The following PDE8B variants were observed in gnomAD, a reference collection of about 807,000 sequenced individuals.
PDE8B encodes high affinity cAMP-specific and IBMX-insensitive 3',5'-cyclic phosphodiesterase 8B.
PDE8B carries 26 observed loss-of-function variants against 101.3 expected under a neutral mutation model. The observed-to-expected ratio is 0.26, with a 90% CI of 0.19 to 0.36. PDE8B has a LOEUF of 0.36. PDE8B is among the 10% of genes least tolerant of loss of function. The pLI, the probability that PDE8B is intolerant of heterozygous loss-of-function variation, is 1.00. For missense variants in PDE8B, 810 were observed against 1,163.1 expected (o/e 0.70, Z 4.42); for synonymous variants, 424 against 429.3 (o/e 0.99, Z 0.15).
intron 1 of PDE8B, among the ~76,000 whole-genome samples, chr5:77,262,343 T>C (rs1259500628): frequency 1.3e-5 from 2 of 152,202 alleles, no homozygotes; most frequent in African/African-American, 4.8e-5. Flanking sequence ...GTTAGCTTTA[T>C]CCACAGTCTC....
intron 10 of PDE8B, among the ~76,000 whole-genome samples, chr5:77,383,227 A>G (rs1429655717): frequency 1.3e-5 from 2 of 152,174 alleles, no homozygotes; most frequent in Non-Finnish European, 2.9e-5. Context: ...TTGGCTGCAT[A>G]AATGTCTTCT....
At chr5:77,217,834 C>T (rs1017913296) in intron 1 of PDE8B, among the ~76,000 whole-genome samples, 6 of 152,160 alleles carry the variant, frequency 3.9e-5, no homozygotes, top group Admixed American at 2.6e-4. Context: ...CCATGCTTGG[C>T]CCAAAACACT....
At chr5:77,137,097 C>T in the PDE8B span, among the ~76,000 whole-genome samples, 1 of 152,170 alleles carries the variant, frequency 6.6e-6, no homozygotes, top group Admixed American at 6.5e-5. Context: ...GGCCAGAGTC[C>T]TCTAGTTGCT....
Position 77,303,401 on chromosome 5 carries a change from G to A in PDE8B, c.340-8593G>A, listed in dbSNP as rs899156501. Among the ~76,000 whole-genome samples, 27 of 151,950 alleles carry A rather than the reference G, an allele frequency of 1.8e-4. No homozygotes were observed. In the South Asian group the frequency reaches 2.3e-3, roughly 13 times the overall value. On this transcript the variant is annotated intron_variant, in intron 1 of 21. Coordinates refer to ENST00000264917, the MANE Select transcript of PDE8B (RefSeq NM_003719.5). ...CTAAAATACAAAAAATTAGCAGGGC[G>A]TAGAGAATTTTTGTGTTCCCTACTA...
chr5:77,387,172 C>T (rs1163391066), intron 10 of PDE8B, among the ~76,000 whole-genome samples: 2 of 152,120 alleles, frequency 1.3e-5, no homozygotes, highest in African/African-American at 2.4e-5. Context: ...ATGGTCTTTA[C>T]AATTTGGTAT....
In PDE8B at chr5:77,413,324, T is replaced by A; in HGVS notation, c.1911+15T>A. ...AAAGAGTAAAGGTAGGATTTTGATATCATGACCTAGTTACCTGCCTGGATT... is the reference window on the plus strand; with the variant it reads ...AAAGAGTAAAGGTAGGATTTTGATAACATGACCTAGTTACCTGCCTGGATT... On this transcript the variant is annotated intron_variant, in intron 17 of 21. Coordinates refer to ENST00000264917, the MANE Select transcript of PDE8B (RefSeq NM_003719.5). 5 of 1,606,288 alleles carry A rather than the reference T, an allele frequency of 3.1e-6. No homozygotes were observed. The highest frequency in any genetic ancestry group is 1.3e-5 in the African/African-American group (1 of 74,874).
the PDE8B span, among the ~76,000 whole-genome samples, chr5:77,124,082 C>T: frequency 3.9e-5 from 6 of 152,156 alleles, no homozygotes; most frequent in African/African-American, 1.2e-4. Flanking sequence ...AAGTAAAAGT[C>T]CAACAGAAAA....
intron 1 of PDE8B, among the ~76,000 whole-genome samples, chr5:77,245,849 GCC>G (rs1216183081): frequency 6.1e-4 from 4 of 6,596 alleles, no homozygotes; most frequent in African/African-American, 1.1e-3. Context: ...TCCCCCCCCC[GCC>G]CCCCCCCCCC....
intron 10 of PDE8B, among the ~76,000 whole-genome samples, chr5:77,369,456 A>G (rs969554550): frequency 6.6e-6 from 1 of 152,114 alleles, no homozygotes; most frequent in African/African-American, 2.4e-5. Flanking sequence ...CCGAGGTGAC[A>G]TAAGAGCCAA....
At chr5:77,158,174 T>C in the PDE8B span, among the ~76,000 whole-genome samples, 3 of 152,198 alleles carry the variant, frequency 2.0e-5, no homozygotes, top group African/African-American at 7.2e-5. Context: ...GCCACTAGGC[T>C]AGATTGCCTG....
chr5:77,188,140 A>G, the PDE8B span, among the ~76,000 whole-genome samples: 1 of 152,300 alleles, frequency 6.6e-6, no homozygotes, highest in Non-Finnish European at 1.5e-5. Context: ...ACTTGCTCAG[A>G]GAGCTTTTAA....
chr5:77,222,444 A>G (rs1289442533), intron 1 of PDE8B, among the ~76,000 whole-genome samples: 2 of 152,134 alleles, frequency 1.3e-5, no homozygotes, highest in Admixed American at 1.3e-4. Context: ...CAACATGGTG[A>G]AACCCCATCT....
At chr5:77,216,103 T>G (rs1489801419) in intron 1 of PDE8B, among the ~76,000 whole-genome samples, 1 of 152,096 alleles carries the variant, frequency 6.6e-6, no homozygotes, top group East Asian at 1.9e-4. Flanking sequence ...GGAAACAGAC[T>G]GCACATCCAA....
the PDE8B span, among the ~76,000 whole-genome samples, chr5:77,164,352 C>T: frequency 5.3e-5 from 8 of 151,934 alleles, no homozygotes; most frequent in Admixed American, 3.3e-4. Context: ...AAATTGTATG[C>T]GATAATAAAT....
intron 1 of PDE8B, among the ~76,000 whole-genome samples, chr5:77,309,151 C>T (rs1771934182): frequency 7.0e-6 from 1 of 142,014 alleles, no homozygotes. Context: ...TGCACTCCAG[C>T]CTGGGCGACA....
Position 77,211,264 on chromosome 5 carries a change from G to GGTAA in PDE8B, c.339+1_339+4dup, listed in dbSNP as rs1318740454. On this transcript the variant is annotated frameshift_variant and splice_region_variant. Transcript: ENST00000264917. LOFTEE classifies it high-confidence loss of function. The surrounding 1 kb of genome is among the most constrained non-coding windows in gnomAD (Gnocchi z 4.1). ...CTCAGACCTGCTACACCAGCGTGAA[G>GGTAA]GTAAATGCCCCGCGCTGGCACACGC... The GGTAA allele has an allele frequency of 6.4e-7, 1 of 1,564,060 alleles. No individual in the cohort carries two copies. The highest frequency in any genetic ancestry group is 2.4e-5 in the East Asian group (1 of 42,484).
chr5:77,410,067 T>C (rs1207024548), intron 14 of PDE8B, among the ~76,000 whole-genome samples: 2 of 152,356 alleles, frequency 1.3e-5, no homozygotes, highest in African/African-American at 2.4e-5. Flanking sequence ...CCCCTGCTGC[T>C]GATGCAGGAC....
the PDE8B span, chr5:77,088,109 G>A: frequency 6.6e-6 from 1 of 152,184 alleles, no homozygotes; most frequent in African/African-American, 2.4e-5. Flanking sequence ...CCCTCCCACA[G>A]CCCTTTGCAG....
At chr5:77,104,158 A>G in the PDE8B span, among the ~76,000 whole-genome samples, 1 of 152,162 alleles carries the variant, frequency 6.6e-6, no homozygotes, top group Admixed American at 6.5e-5. Flanking sequence ...CCTTTAGCCT[A>G]CCTGTATCCC....
Sources: allele counts gnomAD v4.1 joint callset (sites outside exome capture counted in the v4.1 genomes callset), GRCh38; gene constraint gnomAD v4.1.1; non-coding constraint Gnocchi (gnomAD v3.1); transcripts MANE v1.5; gene names NCBI Gene and HGNC (gene_info 2026-07-23, HGNC 2026-07-21).